The following RGS3 variants were observed in gnomAD, a reference collection of about 807,000 sequenced individuals.
The protein encoded by RGS3 is regulator of G protein signaling 3.
A neutral mutation model predicts 132.6 loss-of-function variants in RGS3; 80 were observed. The observed-to-expected ratio is 0.60, with a 90% CI of 0.50 to 0.73. The LOEUF is 0.73. Among genes scored for constraint, RGS3 ranks in the 30% least tolerant of loss-of-function variants. The pLI is 0.00. For synonymous variants in RGS3, 598 were observed against 620.6 expected, an observed-to-expected ratio of 0.96 and a Z score of 0.54; for missense variants, 1,382 against 1,530.8, an observed-to-expected ratio of 0.90 and a Z score of 1.62.
intron 10 of RGS3, chr9:113,505,228 T>C (rs1315691843): frequency 1.7e-6 from 1 of 574,190 alleles, no homozygotes; most frequent in Non-Finnish European, 3.1e-6. Context: ...GTTTACTTGC[T>C]GAGCTTTGGG....
intron 17 of RGS3, among the ~76,000 whole-genome samples, chr9:113,526,233 A>G (rs1832201314): frequency 6.6e-6 from 1 of 152,236 alleles, no homozygotes; most frequent in South Asian, 2.1e-4. Context: ...AGAGCCAGGT[A>G]GGCAGTTGCA....
At chr9:113,555,001 G>T (rs751991782) in intron 19 of RGS3, among the ~76,000 whole-genome samples, 2 of 152,050 alleles carry the variant, frequency 1.3e-5, no homozygotes, top group African/African-American at 4.8e-5. Flanking sequence ...GTGTCAGATG[G>T]AACTCTTATT....
At chr9:113,566,130 A>C (rs1834001096) in intron 19 of RGS3, among the ~76,000 whole-genome samples, 1 of 152,182 alleles carries the variant, frequency 6.6e-6, no homozygotes, top group Admixed American at 6.5e-5. Context: ...GCCGCACACC[A>C]GGCACCAGGG....
At chr9:113,471,533 G>C (rs920434748) in intron 3 of RGS3, among the ~76,000 whole-genome samples, 1 of 152,084 alleles carries the variant, frequency 6.6e-6, no homozygotes, top group Non-Finnish European at 1.5e-5. Context: ...AGAAATGGAA[G>C]TCCCCTACAT....
At chr9:113,530,013 A>C (rs190332606) in intron 18 of RGS3, among the ~76,000 whole-genome samples, 71 of 152,354 alleles carry the variant, frequency 4.7e-4, no homozygotes, top group African/African-American at 1.6e-3. Flanking sequence ...ATTTTCGGTG[A>C]ATTTTCTATT....
intron 3 of RGS3, among the ~76,000 whole-genome samples, chr9:113,471,356 C>G (rs998994842): frequency 2.0e-5 from 3 of 152,244 alleles, no homozygotes; most frequent in Admixed American, 6.5e-5. Flanking sequence ...AATTTGAAAA[C>G]ACCCCAGGAG....
At chr9:113,462,708 CCAGCT>C (rs1829504345) in intron 3 of RGS3, among the ~76,000 whole-genome samples, 3 of 152,286 alleles carry the variant, frequency 2.0e-5, no homozygotes, top group African/African-American at 7.2e-5. Flanking sequence ...TGTAAATTGC[CCAGCT>C]CAGCTCAGCC....
chr9:113,541,757 C>G, intron 19 of RGS3: 14 of 1,027,340 alleles, frequency 1.4e-5, no homozygotes, highest in Non-Finnish European at 1.6e-5. Flanking sequence ...TTGGGGGCAG[C>G]AGGAGAGGTT....
chr9:113,536,759 C>A (rs1832694058), intron 18 of RGS3, 37 bp from the exon 17 acceptor site: 1 of 1,606,564 alleles, frequency 6.2e-7, no homozygotes, highest in Non-Finnish European at 8.5e-7. Flanking sequence ...CAGGGAGCAG[C>A]CCTGACCGTC....
intron 9 of RGS3, 89 bp downstream of exon 7, chr9:113,497,493 G>T (rs1022097812): frequency 1.1e-5 from 12 of 1,090,544 alleles, no homozygotes; most frequent in Middle Eastern, 2.4e-4. Flanking sequence ...GTATTTGGTG[G>T]CCCCTGCTAC....
chr9:113,581,038 G>GGGGGCCGGGGGGGGGGGGGGGGGGC, intron 19 of RGS3: 1 of 145,840 alleles, frequency 6.9e-6, no homozygotes, highest in Non-Finnish European at 1.5e-5. Context: ...GGGTCGGGGG[G>GGGGGCCGGGGGGGGGGGGGGGGGGC]AGGTCTGGCC....
intron 19 of RGS3, among the ~76,000 whole-genome samples, chr9:113,574,722 G>C (rs1834433066): frequency 6.6e-6 from 1 of 152,198 alleles, no homozygotes; most frequent in Non-Finnish European, 1.5e-5. Context: ...TTGAGGGATA[G>C]AGAGCTTAGG....
intron 1 of RGS3, chr9:113,461,593 A>T: frequency 9.4e-7 from 1 of 1,063,208 alleles, no homozygotes; most frequent in Non-Finnish European, 1.4e-6. Flanking sequence ...CCAACTGAAT[A>T]TGTTAGCTGC....
At position 113,580,964 on chromosome 9, in the gene RGS3, C is replaced by T. The variant is rs116154652; in HGVS notation, c.2038-2486C>T. 3.1e-3 allele frequency: 2,974 copies of T among 970,088 alleles called. 63 individuals are homozygous for T. The African/African-American group carries it at 0.052, about 17-fold the overall frequency. The allele number at this position is 970,088 out of a possible 1,614,324, so 60.1% of individuals were successfully genotyped here. A position where few individuals can be genotyped will look rare whatever the true frequency, so the allele number is the denominator to read the frequency against. On this transcript the variant is annotated intron_variant, in intron 19 of 24. Transcript: ENST00000350696. ...CTCCGTGCCAGGCCCTGAGGGCACC[C>T]GGTTGCTGCTTCCTTCCGTCTTTCC...
At chr9:113,525,898 A>T (rs1192574847) in intron 17 of RGS3, among the ~76,000 whole-genome samples, 1 of 151,878 alleles carries the variant, frequency 6.6e-6, no homozygotes, top group African/African-American at 2.4e-5. Context: ...CTGGGGGTGC[A>T]CCTCTCCCCC....
chr9:113,477,322 C>T (rs1450440709), intron 3 of RGS3, among the ~76,000 whole-genome samples: 1 of 152,174 alleles, frequency 6.6e-6, no homozygotes, highest in Non-Finnish European at 1.5e-5. Flanking sequence ...CTTCTGAGAT[C>T]TGGGTCCTGG....
At chr9:113,519,418 A>T (rs1301830985) in intron 16 of RGS3, among the ~76,000 whole-genome samples, 3 of 152,082 alleles carry the variant, frequency 2.0e-5, no homozygotes, top group Non-Finnish European at 2.9e-5. Flanking sequence ...CAATTTGAAG[A>T]CAAGTAAAAT....
intron 15 of RGS3, among the ~76,000 whole-genome samples, chr9:113,516,362 T>A (rs1411663512): frequency 4.1e-5 from 6 of 144,818 alleles, no homozygotes; most frequent in African/African-American, 1.5e-4. Flanking sequence ...TTTCTTTTTC[T>A]TTTTTTTTTT....
intron 19 of RGS3, among the ~76,000 whole-genome samples, chr9:113,559,126 T>C (rs1833688201): frequency 6.6e-6 from 1 of 151,894 alleles, no homozygotes; most frequent in South Asian, 2.1e-4. Context: ...CCCAGGGGAG[T>C]GTGTGGAGAA....
Sources: gnomAD v4.1 joint callset for allele counts (sites outside exome capture counted in the v4.1 genomes callset) on GRCh38, gnomAD v4.1.1 for gene constraint, MANE v1.5 for transcripts, NCBI Gene and HGNC (gene_info 2026-07-23, HGNC 2026-07-21) for gene names.